Variants in ANKS1B observed in about 807,000 individuals in gnomAD.
ANKS1B encodes the protein ankyrin repeat and sterile alpha motif domain containing 1B, also known as ankyrin repeat and sterile alpha motif domain-containing protein 1B.
In ANKS1B, 36 loss-of-function variants were observed where a neutral mutation model predicts 148.3. The ratio of observed to expected loss-of-function variants is 0.24; its 90% CI spans 0.19 to 0.32. The LOEUF (loss-of-function observed/expected upper bound fraction) is 0.32, where lower values mean the gene tolerates loss of function less well. Among genes scored for constraint, ANKS1B ranks in the 10% least tolerant of loss-of-function variants. The probability of loss-of-function intolerance (pLI) is 1.00; values close to 1 mark genes in which losing one functional copy is unlikely to be tolerated. For synonymous variants in ANKS1B, 542 were observed against 560.8 expected (o/e 0.97, Z 0.47); for missense variants, 1,157 against 1,542.6 (o/e 0.75, Z 4.19).
At chr12:98,932,609 A>G (rs1424947894) in intron 17 of ANKS1B, among the ~76,000 whole-genome samples, 1 of 152,178 alleles carries the variant, frequency 6.6e-6, no homozygotes, top group Non-Finnish European at 1.5e-5. Flanking sequence ...TGGGTTTTTG[A>G]TAATACCAAA....
At chr12:99,615,908 C>G (rs868767569) in intron 9 of ANKS1B, among the ~76,000 whole-genome samples, 1 of 151,934 alleles carries the variant, frequency 6.6e-6, no homozygotes, top group Non-Finnish European at 1.5e-5. Flanking sequence ...CATCTCAGCC[C>G]AAAAACTTAA....
chr12:99,553,859 C>T (rs564753038), intron 9 of ANKS1B, among the ~76,000 whole-genome samples: 13 of 152,278 alleles, frequency 8.5e-5, no homozygotes, highest in South Asian at 6.2e-4. Flanking sequence ...CGAAGACTGT[C>T]CAATTAGAAT....
In ANKS1B at chr12:99,777,880, G is replaced by A. The variant is rs1228593188; in HGVS notation, c.847+1991C>T. On this transcript the variant is annotated intron_variant, in intron 6 of 26. Coordinates refer to ENST00000683438, the MANE Select transcript of ANKS1B (RefSeq NM_001352186.2). ...ATTACAGGCATGAGCCATCGCGCCT[G>A]GCCCATGCTTCAGTTTTTAAAAGTT... Among the ~76,000 whole-genome samples, 11 of 151,060 alleles carry A rather than the reference G, an allele frequency of 7.3e-5. 1 individual carries two copies. The highest frequency in any genetic ancestry group is 2.2e-4 in the South Asian group (1 of 4,590).
intron 14 of ANKS1B, among the ~76,000 whole-genome samples, chr12:99,191,094 A>G (rs986317710): frequency 4.6e-5 from 7 of 152,248 alleles, no homozygotes; most frequent in Non-Finnish European, 1.0e-4. Flanking sequence ...AAACATGAAA[A>G]AAAGCTATAA....
intron 17 of ANKS1B, among the ~76,000 whole-genome samples, chr12:98,915,758 G>A (rs922967884): frequency 6.6e-6 from 1 of 152,176 alleles, no homozygotes; most frequent in African/African-American, 2.4e-5. Flanking sequence ...ATGTATGGGT[G>A]AATAAACAAG....
chr12:99,877,685 G>A (rs924388001), intron 1 of ANKS1B, among the ~76,000 whole-genome samples: 3 of 152,152 alleles, frequency 2.0e-5, no homozygotes, highest in African/African-American at 7.2e-5. Context: ...GATTTGTGGG[G>A]CTTTTCGGCT....
At chr12:98,828,444 GAA>G (rs1178771372) in intron 19 of ANKS1B, among the ~76,000 whole-genome samples, 3 of 152,230 alleles carry the variant, frequency 2.0e-5, no homozygotes, top group East Asian at 3.8e-4. Flanking sequence ...GAATGAGGAT[GAA>G]AAGAGTTGAT....
At chr12:99,531,682 G>A (rs746534876) in intron 9 of ANKS1B, among the ~76,000 whole-genome samples, 3 of 152,250 alleles carry the variant, frequency 2.0e-5, no homozygotes, top group Non-Finnish European at 4.4e-5. Flanking sequence ...GAGTACAATT[G>A]TCTTTCTAAT....
At chr12:98,802,171 G>A (rs944579853) in intron 20 of ANKS1B, among the ~76,000 whole-genome samples, 1 of 152,168 alleles carries the variant, frequency 6.6e-6, no homozygotes, top group African/African-American at 2.4e-5. Context: ...ATAGAACTAT[G>A]AGAAATTACT....
At chr12:99,427,769 C>A (rs1405928310) in intron 11 of ANKS1B, among the ~76,000 whole-genome samples, 9 of 152,144 alleles carry the variant, frequency 5.9e-5, no homozygotes, top group Admixed American at 1.3e-4. Context: ...ATAAGGGCAT[C>A]TCAGTGAAGA....
chr12:99,624,223 A>C (rs1359220143), intron 9 of ANKS1B, among the ~76,000 whole-genome samples: 1 of 152,002 alleles, frequency 6.6e-6, no homozygotes, highest in Admixed American at 6.6e-5. Context: ...TAAAACTGGA[A>C]CCCTACTTTT....
At chr12:99,597,644 C>G (rs986313596) in intron 9 of ANKS1B, among the ~76,000 whole-genome samples, 5 of 151,960 alleles carry the variant, frequency 3.3e-5, no homozygotes, top group Admixed American at 2.0e-4. Flanking sequence ...ATAGACTTTT[C>G]TGATGATGAT....
chr12:99,195,720 G>C (rs1361175087), intron 14 of ANKS1B, among the ~76,000 whole-genome samples: 1 of 152,008 alleles, frequency 6.6e-6, no homozygotes, highest in Non-Finnish European at 1.5e-5. Context: ...AGGAACAAAA[G>C]AAAGCTAAAT....
chr12:99,157,687 G>A (rs1195363017), intron 14 of ANKS1B, among the ~76,000 whole-genome samples: 1 of 152,034 alleles, frequency 6.6e-6, no homozygotes, highest in Non-Finnish European at 1.5e-5. Flanking sequence ...GTGAGGGATG[G>A]GAGATTACAT....
At chr12:99,982,165 G>C (rs1360502752) in intron 1 of ANKS1B, among the ~76,000 whole-genome samples, 19 of 152,016 alleles carry the variant, frequency 1.2e-4, no homozygotes, top group Admixed American at 9.2e-4. Flanking sequence ...GTTTACTTTT[G>C]TTTTCTATGT....
intron 22 of ANKS1B, chr12:98,794,879 T>G: frequency 6.2e-7 from 1 of 1,600,690 alleles, no homozygotes; most frequent in Non-Finnish European, 8.5e-7. Flanking sequence ...ATCCATCTTA[T>G]CCGAGCCCCT....
chr12:99,362,281 C>T (rs1380337593), intron 12 of ANKS1B, among the ~76,000 whole-genome samples: 2 of 152,034 alleles, frequency 1.3e-5, no homozygotes, highest in Non-Finnish European at 2.9e-5. Context: ...AATTTCCTGT[C>T]AGTCTGCTGA....
intron 1 of ANKS1B, among the ~76,000 whole-genome samples, chr12:99,877,821 C>G (rs1418540708): frequency 6.6e-6 from 1 of 152,116 alleles, no homozygotes; most frequent in Non-Finnish European, 1.5e-5. Flanking sequence ...CTTTGGGAGG[C>G]CAAGGTGAGT....
At chr12:99,822,479 T>C (rs2082634363) in intron 2 of ANKS1B, among the ~76,000 whole-genome samples, 1 of 152,172 alleles carries the variant, frequency 6.6e-6, no homozygotes, top group Non-Finnish European at 1.5e-5. Flanking sequence ...TTTCTATCAT[T>C]GCCATCTTTA....
Sources: gnomAD v4.1 joint callset for allele counts (sites outside exome capture counted in the v4.1 genomes callset) on GRCh38, gnomAD v4.1.1 for gene constraint, MANE v1.5 for transcripts, NCBI Gene and HGNC (gene_info 2026-07-23, HGNC 2026-07-21) for gene names.